The following SCOC variants were observed in gnomAD, a reference collection of about 807,000 sequenced individuals.
The protein encoded by SCOC is short coiled coil protein.
A neutral mutation model predicts 9.9 loss-of-function variants in SCOC; 7 were observed. The observed-to-expected ratio is 0.71, with a 90% CI of 0.40 to 1.33. The LOEUF (loss-of-function observed/expected upper bound fraction) is 1.33. Ranked by LOEUF, SCOC falls within the 40% of genes most tolerant of loss-of-function variation. The pLI is 0.01. For synonymous variants in SCOC, 19 were observed against 28.2 expected, an observed-to-expected ratio of 0.67 and a Z score of 1.03; for missense variants, 66 against 89.7, an observed-to-expected ratio of 0.74 and a Z score of 1.07.
chr4:140,260,844 A>AT (rs921464661), intron 1 of SCOC, among the ~76,000 whole-genome samples: 32 of 151,520 alleles, frequency 2.1e-4, no homozygotes, highest in African/African-American at 5.8e-4. Flanking sequence ...GTTCTGATTT[A>AT]TTTTTTTTTA....
intron 1 of SCOC, among the ~76,000 whole-genome samples, chr4:140,261,609 A>T (rs1332857703): frequency 6.6e-6 from 1 of 152,260 alleles, no homozygotes; most frequent in African/African-American, 2.4e-5. Flanking sequence ...GATGTGATGA[A>T]TACAAAAATG....
At chr4:140,337,045 G>T (rs1239777915) in intron 1 of SCOC, among the ~76,000 whole-genome samples, 1 of 152,108 alleles carries the variant, frequency 6.6e-6, no homozygotes, top group Non-Finnish European at 1.5e-5. Flanking sequence ...CTTCTTTGGG[G>T]AAATGTCTAT....
chr4:140,315,381 G>A (rs983559271), intron 1 of SCOC, among the ~76,000 whole-genome samples: 2 of 152,064 alleles, frequency 1.3e-5, no homozygotes, highest in African/African-American at 4.8e-5. Flanking sequence ...CTTTCAGATG[G>A]GTATAATCCT....
intron 2 of SCOC, among the ~76,000 whole-genome samples, chr4:140,345,571 T>C (rs1039425406): frequency 2.0e-5 from 3 of 152,188 alleles, no homozygotes; most frequent in Non-Finnish European, 4.4e-5. Flanking sequence ...AAACAAATTA[T>C]TATAAAAAAA....
chr4:140,332,089 T>C (rs1216427015), intron 1 of SCOC, among the ~76,000 whole-genome samples: 1 of 152,056 alleles, frequency 6.6e-6, no homozygotes, highest in Non-Finnish European at 1.5e-5. Context: ...TGAACAGCAC[T>C]AGTGGGATGG....
intron 1 of SCOC, among the ~76,000 whole-genome samples, chr4:140,280,300 T>G (rs1422235017): frequency 1.3e-5 from 2 of 152,078 alleles, no homozygotes; most frequent in African/African-American, 4.8e-5. Flanking sequence ...ATTTGTATTT[T>G]TGTTTTTTTG....
intron 1 of SCOC, among the ~76,000 whole-genome samples, chr4:140,305,107 G>A (rs886949028): frequency 2.6e-5 from 4 of 152,250 alleles, no homozygotes; most frequent in South Asian, 2.1e-4. Context: ...AAAAACAACC[G>A]CATTGCAGAT....
intron 1 of SCOC, among the ~76,000 whole-genome samples, chr4:140,267,045 A>G (rs1730741761): frequency 6.6e-6 from 1 of 152,210 alleles, no homozygotes; most frequent in African/African-American, 2.4e-5. Context: ...TCTGCTGGAA[A>G]AGAGAAAAGG....
upstream of SCOC, among the ~76,000 whole-genome samples, chr4:140,340,218 C>T (rs1472760001): frequency 6.6e-6 from 1 of 151,940 alleles, no homozygotes; most frequent in East Asian, 1.9e-4. Context: ...CCAAACACCT[C>T]ATGTTGTCAC....
At chr4:140,358,755 G>A (rs1018385581) in intron 2 of SCOC, among the ~76,000 whole-genome samples, 5 of 152,176 alleles carry the variant, frequency 3.3e-5, no homozygotes, top group African/African-American at 9.7e-5. Context: ...CTAGGATTCT[G>A]AAATAGAAAA....
chr4:140,332,359 C>CTTTTTTTTTT lies in SCOC; in HGVS notation c.-18-11241_-18-11232dup, dbSNP rs70943486. Among the ~76,000 whole-genome samples, 6 of 76,776 alleles carry CTTTTTTTTTT rather than the reference C, an allele frequency of 7.8e-5. 1 individual carries two copies. The highest frequency in any genetic ancestry group is 1.4e-4 in the Non-Finnish European group (5 of 35,028). 50.4% of individuals were successfully genotyped at this position (76,776 alleles called of 152,430 possible). On this transcript the variant is annotated intron_variant, in intron 1 of 4. Transcript: ENST00000394205. ...CTCATGCCAAAAACTCTGGAGTCATCTTTTTTTTTTTTTTTTTTTTTTTTT... is the reference window on the plus strand; with the variant it reads ...CTCATGCCAAAAACTCTGGAGTCATCTTTTTTTTTTTTTTTTTTTTTTTTTTTTTTTTTTT...
intron 2 of SCOC, among the ~76,000 whole-genome samples, chr4:140,360,519 A>AT (rs1317919369): frequency 6.6e-6 from 1 of 152,164 alleles, no homozygotes; most frequent in Non-Finnish European, 1.5e-5. Context: ...ACTTTCTAGG[A>AT]TTTTCTGCTT....
intron 2 of SCOC, among the ~76,000 whole-genome samples, chr4:140,367,292 T>C (rs1284125902): frequency 2.0e-5 from 3 of 152,338 alleles, no homozygotes; most frequent in Non-Finnish European, 2.9e-5. Context: ...CCCTGACTTC[T>C]ATGCTCTTCA....
At chr4:140,366,679 T>C in intron 2 of SCOC, 1 of 1,597,316 alleles carries the variant, frequency 6.3e-7, no homozygotes, top group Non-Finnish European at 8.6e-7. Context: ...AAACTTGAGG[T>C]TGAAATCAGT....
intron 2 of SCOC, among the ~76,000 whole-genome samples, chr4:140,349,181 G>C (rs145838626): frequency 1.3e-5 from 2 of 152,306 alleles, no homozygotes; most frequent in African/African-American, 4.8e-5. Context: ...CCAACACTGA[G>C]CCTTGGGTCC....
chr4:140,305,397 G>A (rs796517958), intron 1 of SCOC, among the ~76,000 whole-genome samples: 23 of 152,314 alleles, frequency 1.5e-4, no homozygotes, highest in African/African-American at 4.8e-4. Flanking sequence ...AGGGACAGAG[G>A]GAAGGGCAGG....
chr4:140,341,426 C>A (rs774014428), upstream of SCOC, among the ~76,000 whole-genome samples: 3 of 152,220 alleles, frequency 2.0e-5, no homozygotes, highest in Non-Finnish European at 2.9e-5. Flanking sequence ...TGCTTAGCTG[C>A]ATAACATTCT....
At chr4:140,276,292 G>C (rs1186508859) in intron 1 of SCOC, among the ~76,000 whole-genome samples, 1 of 150,502 alleles carries the variant, frequency 6.6e-6, no homozygotes, top group South Asian at 2.1e-4. Context: ...GTGAGCTACC[G>C]CACCCGGCCT....
At chr4:140,343,365 C>T (rs1726579392), upstream of SCOC, 3 of 307,606 alleles carry the variant, frequency 9.8e-6, no homozygotes, top group Admixed American at 1.4e-4. Context: ...GGTTTGGCAT[C>T]TAGCCAGGGT....
Sources: allele counts gnomAD v4.1 joint callset (sites outside exome capture counted in the v4.1 genomes callset), GRCh38; gene constraint gnomAD v4.1.1; transcripts MANE v1.5; gene names NCBI Gene and HGNC (gene_info 2026-07-23, HGNC 2026-07-21).